The following REPS1 variants were observed in gnomAD, a reference collection of about 807,000 sequenced individuals.
The protein encoded by REPS1 is ralBP1-associated Eps domain-containing protein 1.
Under a neutral mutation model 100.9 loss-of-function variants are expected in REPS1, and 39 were observed. That is an observed-to-expected ratio of 0.39 (90% CI 0.30 to 0.50). The LOEUF (loss-of-function observed/expected upper bound fraction) is 0.50, where lower values mean the gene tolerates loss of function less well. Among genes scored for constraint, REPS1 ranks in the 20% least tolerant of loss-of-function variants. The probability of loss-of-function intolerance (pLI) is 0.86; values close to 1 mark genes in which losing one functional copy is unlikely to be tolerated. For synonymous variants in REPS1, 324 were observed against 340.3 expected (o/e 0.95, Z 0.53); for missense variants, 821 against 968.5 (o/e 0.85, Z 2.02).
intron 19 of REPS1, among the ~76,000 whole-genome samples, chr6:138,905,417 G>C (rs1003541841): frequency 6.6e-6 from 1 of 150,840 alleles, no homozygotes; most frequent in Non-Finnish European, 1.5e-5. Context: ...TCAGCCTCCC[G>C]AGTAGCTGGG....
intron 16 of REPS1, among the ~76,000 whole-genome samples, chr6:138,911,612 G>C (rs570967874): frequency 3.3e-5 from 5 of 152,012 alleles, no homozygotes; most frequent in African/African-American, 9.6e-5. Flanking sequence ...CTATGTAACA[G>C]ATGTGTGAGG....
chr6:138,908,900 A>C, intron 17 of REPS1, 84 bp from the exon 18 acceptor site: 1 of 1,288,012 alleles, frequency 7.8e-7, no homozygotes, highest in Non-Finnish European at 1.1e-6. Flanking sequence ...GCTTTCTTTA[A>C]GCCATTTGCT....
At chr6:138,963,072 A>G (rs1207801538) in intron 1 of REPS1, among the ~76,000 whole-genome samples, 5 of 152,266 alleles carry the variant, frequency 3.3e-5, no homozygotes, top group African/African-American at 1.2e-4. Context: ...AGATTGGGCT[A>G]TCCTACCTCT....
intron 1 of REPS1, among the ~76,000 whole-genome samples, chr6:138,984,078 C>CTT (rs748774209): frequency 5.9e-4 from 79 of 134,422 alleles, no homozygotes; most frequent in South Asian, 9.3e-4. Flanking sequence ...CTCTCTCTCT[C>CTT]TTTTTTTTTT....
At chr6:138,915,816 A>T in intron 14 of REPS1, 42 bp downstream of exon 14, 2 of 1,348,424 alleles carry the variant, frequency 1.5e-6, no homozygotes, top group Non-Finnish European at 2.1e-6. Flanking sequence ...GATTAACTTT[A>T]AAATTAAATG....
rs866255553 is a variant in REPS1, at chr6:138,905,129, C to T, written c.2326G>A (p.Val776Ile). The T allele has an allele frequency of 1.2e-6, 2 of 1,609,248 alleles. No individual in the cohort carries two copies. The highest frequency in any genetic ancestry group is 1.7e-4 in the Middle Eastern group (1 of 6,052). The stretch of plus-strand genomic sequence containing the variant: ...TCCAGGGAAATTCTCTCCTCAAGAA[C>T]ATCCTGAAAAAGATGCAAAGGCCAA... Reference protein sequence around the residue: ...NSELQQQLKDVLEERISLEVQ... With the variant: ...NSELQQQLKDILEERISLEVQ... The change falls in exon 20 of 20, where the codon GTT (valine) becomes ATT (isoleucine). Residue 776 changes from valine (V) to isoleucine (I), a missense_variant. This residue lies in a region of REPS1 where 757 missense variants were observed against 866.4 expected (regional missense o/e 0.87). Transcript: ENST00000450536.
chr6:138,936,668 T>C lies in REPS1; in HGVS notation c.1135+4667A>G, dbSNP rs376455311. On this transcript the variant is annotated intron_variant, in intron 8 of 19. Coordinates refer to ENST00000450536, the MANE Select transcript of REPS1 (RefSeq NM_001286611.2). ...GGTAATTTCTTAATTAGAAAGCTAA[T>C]GACAAGCATTAGTGCGTATTTTCAT... Among the ~76,000 whole-genome samples the C allele has an allele frequency of 2.6e-5, 4 of 151,062 alleles. 1 individual carries two copies. The highest frequency in any genetic ancestry group is 2.5e-5 in the African/African-American group (1 of 40,762).
chr6:138,935,868 GC>G (rs59642766), intron 8 of REPS1, among the ~76,000 whole-genome samples: 2,420 of 23,236 alleles, frequency 0.1, 295 homozygotes, highest in East Asian at 0.21. Context: ...GGGGGGGGGG[GC>G]GCGGGGGAGT....
At position 138,933,552 on chromosome 6, in the gene REPS1, G is replaced by C. The variant is rs1781610925; in HGVS notation, c.1136-3454C>G. Among the ~76,000 whole-genome samples, 5 of 151,804 alleles carry C rather than the reference G, an allele frequency of 3.3e-5. No individual in the cohort carries two copies. The South Asian group carries it at 6.3e-4, about 19-fold the overall frequency. On this transcript the variant is annotated intron_variant, in intron 8 of 19. Coordinates refer to ENST00000450536, the MANE Select transcript of REPS1 (RefSeq NM_001286611.2). ...TCTATCTCACAGGGCTTAGTTTTTA[G>C]ACCCCTGGTATACCTCAAACAAAAC...
chr6:138,912,799 T>C lies in REPS1; in HGVS notation c.1937A>G (p.Asp646Gly), dbSNP rs143322057. The change falls in exon 16 of 20, where the codon GAT (aspartate) becomes GGT (glycine). Residue 646 changes from aspartate to glycine, a missense_variant. By Grantham distance (94) the Asp-to-Gly change is moderately conservative. Transcript: ENST00000450536. ...TTCTGGATGTTTCTCGGCTTCATCA[T>C]CTTGTTCGTCGTTTACATTTGATGC... ...FAASNVNDEQ[D>G]DEAEKHPEVL... The C allele has an allele frequency of 8.1e-6, 13 of 1,614,076 alleles. No individual in the cohort carries two copies. The African/African-American group carries it at 1.6e-4, about 20-fold the overall frequency.
chr6:138,907,779 A>C (rs190916254), intron 18 of REPS1, among the ~76,000 whole-genome samples, 179 bp from the exon 19 acceptor site: 13 of 151,912 alleles, frequency 8.6e-5, no homozygotes, highest in Middle Eastern at 3.4e-3. Flanking sequence ...CACTATAGGA[A>C]AGGTTAAAAA....
intron 1 of REPS1, among the ~76,000 whole-genome samples, chr6:138,978,965 G>A (rs995968927): frequency 2.6e-5 from 4 of 151,986 alleles, no homozygotes; most frequent in Non-Finnish European, 5.9e-5. Context: ...GGCAGATCAC[G>A]AGATCAGCAG....
In REPS1 at chr6:138,945,587, T is replaced by C; in HGVS notation, c.388A>G (p.Ile130Val). 1 of 1,613,686 alleles carries C rather than the reference T, an allele frequency of 6.2e-7. No individual in the cohort carries two copies. Among genetic ancestry groups the C allele is most frequent in the Non-Finnish European group, 8.5e-7 (1 of 1,179,848 alleles). ...TGCCCCCTGCCAGGTGGTGGGGGAA[T>C]TACACCAGAATACGACCCTTGATTT... ...SENQGSYSGV[I>V]PPPPGRGQVK... The change falls in exon 3 of 20, where the codon ATT (isoleucine) becomes GTT (valine). Residue 130 changes from isoleucine (I) to valine (V), a missense_variant. Around this residue, in one of 3 missense-constraint regions of REPS1, gnomAD observed 757 missense variants for 866.4 expected, o/e 0.87. Coordinates refer to ENST00000450536, the MANE Select transcript of REPS1 (RefSeq NM_001286611.2).
intron 13 of REPS1, chr6:138,916,218 CTTTTTTTTTTTTT>C: frequency 4.9e-6 from 1 of 204,618 alleles, no homozygotes; most frequent in Non-Finnish European, 8.8e-6. Flanking sequence ...TTCTTTTTTT[CTTTTTTTTTTTTT>C]TTTTTTTTTG....
Position 138,917,573 on chromosome 6 carries a change from C to A in REPS1, c.1583G>T (p.Ser528Ile). The part of the protein sequence containing the change: ...SFTSDPEQIG[S>I]NVTRQRSHSG... ...TACTGACCTTTGACGAGTTACATTG[C>A]TCCCGATCTGTTCTGGGTCAGAAGT... The change falls in exon 13 of 20, where the codon AGC becomes ATC. Residue 528 changes from serine to isoleucine, a missense_variant. Ser to Ile is a moderately radical substitution (Grantham distance 142). Transcript: ENST00000450536. 2.5e-6 allele frequency: 4 copies of A among 1,613,414 alleles called. No homozygotes were observed. The highest frequency in any genetic ancestry group is 3.4e-6 in the Non-Finnish European group (4 of 1,179,502).
chr6:138,980,845 G>A (rs868807322), intron 1 of REPS1, among the ~76,000 whole-genome samples: 2 of 151,966 alleles, frequency 1.3e-5, no homozygotes, highest in Non-Finnish European at 2.9e-5. Flanking sequence ...AGGCCACCAC[G>A]CCTGGCCAGT....
Position 138,945,494 on chromosome 6 carries a change from T to C in REPS1, c.474+7A>G, listed in dbSNP as rs554887067. 4.4e-6 allele frequency: 7 copies of C among 1,594,404 alleles called. No individual in the cohort carries two copies. The South Asian group carries it at 6.9e-5, about 16-fold the overall frequency. ...TCAACTGCTAATATTTACATGCATG[T>C]GATTACCTGTGCATCTGCAGATGTA... On this transcript the variant is annotated splice_region_variant and intron_variant, in intron 3 of 19. Coordinates refer to ENST00000450536, the MANE Select transcript of REPS1 (RefSeq NM_001286611.2).
At chr6:138,931,638 T>G (rs866428620) in intron 8 of REPS1, among the ~76,000 whole-genome samples, 1 of 152,190 alleles carries the variant, frequency 6.6e-6, no homozygotes, top group Non-Finnish European at 1.5e-5. Flanking sequence ...GTCTGGGTAG[T>G]ACAGAAGTAG....
At chr6:138,915,790 A>T in intron 14 of REPS1, 68 bp downstream of exon 14, 1 of 1,126,332 alleles carries the variant, frequency 8.9e-7, no homozygotes, top group Non-Finnish European at 1.3e-6. Context: ...CAAAAATAAA[A>T]TGTGTATGTG....
Sources: allele counts gnomAD v4.1 joint callset (sites outside exome capture counted in the v4.1 genomes callset), GRCh38; gene constraint gnomAD v4.1.1; regional missense constraint gnomAD v4.1.1; transcripts MANE v1.5; gene names NCBI Gene and HGNC (gene_info 2026-07-23, HGNC 2026-07-21).